The following STRA6 variants were observed in gnomAD, a reference collection of about 807,000 sequenced individuals.
STRA6 encodes signaling receptor and transporter of retinol STRA6, also known as receptor for retinol uptake STRA6.
In STRA6, 48 loss-of-function variants were observed where a neutral mutation model predicts 83.6. The observed-to-expected ratio is 0.57, with a 90% CI of 0.46 to 0.73. The LOEUF (loss-of-function observed/expected upper bound fraction) is 0.73, where lower values mean the gene tolerates loss of function less well. Among genes scored for constraint, STRA6 ranks in the 30% least tolerant of loss-of-function variants. The pLI is 0.00. For missense variants in STRA6, 760 were observed against 838.8 expected (o/e 0.91, Z 1.16); for synonymous variants, 353 against 362.3 (o/e 0.97, Z 0.29).
chr15:74,181,062 C>T, intron 17 of STRA6, 125 bp from the exon 18 acceptor site: 1 of 1,441,052 alleles, frequency 6.9e-7, no homozygotes, highest in Non-Finnish European at 9.5e-7. Context: ...GTCGACACAC[C>T]AAGCACGTGG....
chr15:74,179,930 C>T lies in STRA6; in HGVS notation c.*150G>A, dbSNP rs2072890674. On this transcript the variant is annotated 3_prime_UTR_variant, in exon 19 of 19. Coordinates refer to ENST00000395105, the MANE Select transcript of STRA6 (RefSeq NM_022369.4). ...CAGAGCCCTCCTGAGGCTCCCAGTG[C>T]AGACAGACCTCCACCCAACCACAGT... The T allele has an allele frequency of 9.4e-7, 1 of 1,063,206 alleles. No homozygotes were observed. Among genetic ancestry groups the T allele is most frequent in the Non-Finnish European group, 1.4e-6 (1 of 726,622 alleles). 65.9% of individuals were successfully genotyped at this position (1,063,206 alleles called of 1,614,324 possible). A position where few individuals can be genotyped will look rare whatever the true frequency, so the allele number is the denominator to read the frequency against.
At chr15:74,194,646 G>A in intron 7 of STRA6, 2 of 738,020 alleles carry the variant, frequency 2.7e-6, no homozygotes, top group Non-Finnish European at 1.9e-6. Flanking sequence ...GCTCTTGGGA[G>A]GCTAGGGACT....
intron 3 of STRA6, 124 bp from the exon 4 acceptor site, chr15:74,197,547 T>C: frequency 2.8e-6 from 3 of 1,084,556 alleles, no homozygotes; most frequent in Admixed American, 2.0e-5. Flanking sequence ...ATGTGACATC[T>C]TGGGGACTGG....
chr15:74,180,534 C>T (rs369129127), intron 18 of STRA6, among the ~76,000 whole-genome samples: 2 of 152,144 alleles, frequency 1.3e-5, no homozygotes, highest in African/African-American at 2.4e-5. Flanking sequence ...GGGGCAGTGA[C>T]GGAGCCCCTT....
chr15:74,197,938 A>G (rs1425874710), intron 2 of STRA6, 120 bp from the exon 3 acceptor site: 2 of 1,062,844 alleles, frequency 1.9e-6, no homozygotes, highest in Admixed American at 4.0e-5. Context: ...CAACCCTCTG[A>G]TCCCTCCTAC....
chr15:74,186,501 G>A (rs1439742411), intron 12 of STRA6, among the ~76,000 whole-genome samples: 2 of 152,188 alleles, frequency 1.3e-5, no homozygotes, highest in African/African-American at 2.4e-5. Flanking sequence ...CCAGCTACTC[G>A]GGAGGCTGAG....
upstream of STRA6, among the ~76,000 whole-genome samples, chr15:74,207,211 T>TAGAAGA (rs1340147372): frequency 6.6e-6 from 1 of 152,142 alleles, no homozygotes; most frequent in Non-Finnish European, 1.5e-5. Flanking sequence ...GTGCCAAGCT[T>TAGAAGA]AGAAGAAGCT....
At chr15:74,209,139 C>T (rs2074328320), upstream of STRA6, 3 of 1,312,934 alleles carry the variant, frequency 2.3e-6, no homozygotes, top group Non-Finnish European at 2.0e-6. Flanking sequence ...CCACCCCACC[C>T]CCATCTCCAG....
intron 4 of STRA6, 65 bp downstream of exon 4, chr15:74,197,273 A>G (rs1595856114): frequency 8.4e-7 from 1 of 1,194,898 alleles, no homozygotes; most frequent in East Asian, 2.6e-5. Flanking sequence ...CAAATCACCC[A>G]CCCTCCCAGA....
At chr15:74,187,569 A>C (rs1048212652) in intron 12 of STRA6, among the ~76,000 whole-genome samples, 2 of 151,968 alleles carry the variant, frequency 1.3e-5, no homozygotes, top group Non-Finnish European at 2.9e-5. Flanking sequence ...TTATGGTCCA[A>C]GTGCTGGGTG....
At chr15:74,191,683 C>G (rs1008542820) in intron 8 of STRA6, 192 bp from the exon 9 acceptor site, 1 of 638,198 alleles carries the variant, frequency 1.6e-6, no homozygotes. Context: ...TCCCTTTTCT[C>G]TCTCACAAAT....
Position 74,196,036 on chromosome 15 carries a change from G to A in STRA6, c.378C>T (p.Phe126=). The change falls in exon 5 of 19, where the codon TTC becomes TTT. Residue 126 remains phenylalanine, a synonymous_variant. Transcript: ENST00000395105. ...LLLPDEDALP[F]LTLASAPSQD... is the part of the protein sequence containing the mutation. ...GGCTGGGTGCTGAGGCGAGAGTCAG[G>A]AAGGGCAATGCGTCCTCGTCGGGGA... 1 of 1,614,016 alleles carries A rather than the reference G, an allele frequency of 6.2e-7. No homozygotes were observed. Among genetic ancestry groups the A allele is most frequent in the Non-Finnish European group, 8.5e-7 (1 of 1,180,002 alleles).
rs748725092 is a variant in STRA6 at position 74,197,725 on chromosome 15, G to A, written c.180+27C>T. On this transcript the variant is annotated intron_variant, in intron 3 of 18. Transcript: ENST00000395105. ...TGCCCAGGCTGGCAGCAGCTTGCAA[G>A]CCAGGTTCAACTTGGGTTGGACTCA... 5 of 1,612,020 alleles carry A rather than the reference G, an allele frequency of 3.1e-6. No homozygotes were observed. The African/African-American group carries it at 6.7e-5, about 22-fold the overall frequency.
rs118203959 is a variant in STRA6 at position 74,180,121 on chromosome 15, G to A, written c.1963C>T (p.Arg655Cys). Residue 655 changes from arginine to cysteine, a missense_variant, in exon 19 of 19, where the codon CGC becomes TGC. Transcript: ENST00000395105. ...TTGGCACCCAACAGGGCCGTCTTGC[G>A]GAAGACCTGCAGGGTTGGGTTGTGC... ...LLHNPTLQVF[R>C]KTALLGANGA... is the part of the protein sequence containing the mutation. The A allele has an allele frequency of 1.9e-5, 30 of 1,613,696 alleles. No individual in the cohort carries two copies. The highest frequency in any genetic ancestry group is 2.7e-5 in the African/African-American group (2 of 75,052).
intron 14 of STRA6, 67 bp downstream of exon 14, chr15:74,183,789 C>T: frequency 1.2e-6 from 2 of 1,611,748 alleles, no homozygotes; most frequent in Non-Finnish European, 1.7e-6. Flanking sequence ...CTCTTCTCCC[C>T]AACTGAGGCC....
chr15:74,205,976 G>T (rs1238695143), upstream of STRA6, among the ~76,000 whole-genome samples: 1 of 152,230 alleles, frequency 6.6e-6, no homozygotes, highest in African/African-American at 2.4e-5. Flanking sequence ...AGTGGAGAAC[G>T]CCTGGTTGGG....
chr15:74,209,456 C>T, upstream of STRA6: 1 of 1,535,286 alleles, frequency 6.5e-7, no homozygotes, highest in Middle Eastern at 1.7e-4. Context: ...GATCTGCATC[C>T]TGCTGCTGCC....
At chr15:74,210,051 A>T (rs1595871835), upstream of STRA6, among the ~76,000 whole-genome samples, 1 of 152,184 alleles carries the variant, frequency 6.6e-6, no homozygotes, top group African/African-American at 2.4e-5. Flanking sequence ...GCAGGGAGAG[A>T]GGGAGAGAGA....
intron 5 of STRA6, 84 bp from the exon 6 acceptor site, chr15:74,195,759 A>T (rs2073785025): frequency 1.1e-6 from 1 of 900,290 alleles, no homozygotes; most frequent in East Asian, 2.6e-5. Flanking sequence ...TGCCTGAGCA[A>T]ATACTCAATT....
Sources: gnomAD v4.1 joint callset for allele counts (sites outside exome capture counted in the v4.1 genomes callset) on GRCh38, gnomAD v4.1.1 for gene constraint, MANE v1.5 for transcripts, NCBI Gene and HGNC (gene_info 2026-07-23, HGNC 2026-07-21) for gene names.